STK4: variants seen among roughly 807,000 people sequenced by gnomAD.
The protein encoded by STK4 is serine/threonine kinase 4.
In STK4, 30 loss-of-function variants were observed where a neutral mutation model predicts 64.9. That is an observed-to-expected ratio of 0.46 (90% CI 0.35 to 0.63). The LOEUF (loss-of-function observed/expected upper bound fraction) is 0.63. Among genes scored for constraint, STK4 ranks in the 20% least tolerant of loss-of-function variants. The pLI is 0.01. For missense variants in STK4, 466 were observed against 598.5 expected (o/e 0.78, Z 2.31); for synonymous variants, 177 against 199.0 (o/e 0.89, Z 0.93).
intron 10 of STK4, among the ~76,000 whole-genome samples, chr20:45,056,767 C>T (rs1978515762): frequency 6.6e-6 from 1 of 152,110 alleles, no homozygotes; most frequent in African/African-American, 2.4e-5. Context: ...ATAAGTATTA[C>T]CTATGATAAA....
At chr20:45,062,936 C>T (rs541338927) in intron 10 of STK4, among the ~76,000 whole-genome samples, 69 of 147,758 alleles carry the variant, frequency 4.7e-4, no homozygotes, top group South Asian at 1.7e-3. Flanking sequence ...GTGATCCGCC[C>T]GCCTCGGCCT....
At chr20:44,998,144 A>G (rs1412640161) in intron 7 of STK4, among the ~76,000 whole-genome samples, 2 of 152,106 alleles carry the variant, frequency 1.3e-5, no homozygotes, top group East Asian at 3.8e-4. Flanking sequence ...GGAGATGCAA[A>G]AAGTGTTTTC....
In STK4 at chr20:45,018,425, A is replaced by C. The variant is rs150805157; in HGVS notation, c.1148-6548A>C. Among the ~76,000 whole-genome samples, 70 of 152,320 alleles carry C rather than the reference A, an allele frequency of 4.6e-4. 1 individual carries two copies. The highest frequency in any genetic ancestry group is 1.6e-3 in the African/African-American group (65 of 41,570). ...TTTGAAATTGAAGGTCATGAAGTTT[A>C]AGGTCTAGTAGATGGTCATTCCAAT... On this transcript the variant is annotated intron_variant, in intron 9 of 10. Transcript: ENST00000372806.
chr20:45,070,933 G>A (rs1980016908), intron 10 of STK4, among the ~76,000 whole-genome samples: 1 of 150,822 alleles, frequency 6.6e-6, no homozygotes, highest in African/African-American at 2.4e-5. Context: ...ACTATCATTA[G>A]AATAGCATGG....
At chr20:45,004,871 C>T (rs971196303) in intron 9 of STK4, among the ~76,000 whole-genome samples, 3 of 151,026 alleles carry the variant, frequency 2.0e-5, no homozygotes, top group East Asian at 3.9e-4. Context: ...CAGGTTCAAG[C>T]GATTCTCCTG....
At chr20:45,069,986 G>T (rs1197312406) in intron 10 of STK4, among the ~76,000 whole-genome samples, 1 of 152,236 alleles carries the variant, frequency 6.6e-6, no homozygotes, top group African/African-American at 2.4e-5. Context: ...AGGCTTGCCT[G>T]CATCCTCTGA....
intron 10 of STK4, among the ~76,000 whole-genome samples, chr20:45,025,565 G>A (rs2068329778): frequency 6.6e-6 from 1 of 152,038 alleles, no homozygotes. Flanking sequence ...TTTTTTCAGA[G>A]GATGAATGTA....
At chr20:44,989,918 A>G (rs2067601968) in intron 5 of STK4, among the ~76,000 whole-genome samples, 1 of 152,092 alleles carries the variant, frequency 6.6e-6, no homozygotes, top group South Asian at 2.1e-4. Flanking sequence ...TCCTTGCACC[A>G]GTTCTGTGCT....
chr20:44,978,417 A>G (rs1186008321), intron 2 of STK4, 26 bp from the exon 3 acceptor site: 1 of 1,599,080 alleles, frequency 6.3e-7, no homozygotes, highest in South Asian at 1.1e-5. Context: ...GACTTTATAA[A>G]TGTTCTTCTT....
At chr20:45,037,179 G>T (rs996593867) in intron 10 of STK4, among the ~76,000 whole-genome samples, 7 of 152,088 alleles carry the variant, frequency 4.6e-5, no homozygotes, top group African/African-American at 1.7e-4. Flanking sequence ...CCCAGGGAAG[G>T]CACCAATAAG....
chr20:45,039,189 G>A (rs2068573820), intron 10 of STK4, among the ~76,000 whole-genome samples: 1 of 152,056 alleles, frequency 6.6e-6, no homozygotes, highest in Non-Finnish European at 1.5e-5. Flanking sequence ...ATTCATTGAT[G>A]TTTTAAAATT....
intron 10 of STK4, among the ~76,000 whole-genome samples, chr20:45,051,509 A>C (rs1413918890): frequency 6.6e-6 from 1 of 152,138 alleles, no homozygotes; most frequent in Non-Finnish European, 1.5e-5. Context: ...AGTGGTTACC[A>C]GGGGTCTTTC....
At chr20:45,055,361 C>T (rs1447908537) in intron 10 of STK4, among the ~76,000 whole-genome samples, 1 of 152,186 alleles carries the variant, frequency 6.6e-6, no homozygotes, top group Non-Finnish European at 1.5e-5. Flanking sequence ...ATGTAGGTCT[C>T]TGCCGCTTCC....
At chr20:45,045,898 C>T (rs1457803331) in intron 10 of STK4, among the ~76,000 whole-genome samples, 1 of 151,976 alleles carries the variant, frequency 6.6e-6, no homozygotes, top group Admixed American at 6.5e-5. Flanking sequence ...CCTCTGCCTC[C>T]CGGGTTCAAA....
intron 10 of STK4, among the ~76,000 whole-genome samples, chr20:45,074,492 T>C (rs1980349847): frequency 6.6e-6 from 1 of 152,014 alleles, no homozygotes; most frequent in African/African-American, 2.4e-5. Flanking sequence ...GTGATGATAA[T>C]AGGGCAGTGC....
intron 8 of STK4, among the ~76,000 whole-genome samples, chr20:45,000,871 T>C (rs6073597): frequency 0.44 from 66,312 of 151,982 alleles, 15,085 homozygotes; most frequent in Middle Eastern, 0.54. Context: ...TATAGACTTC[T>C]TCACAACCCT....
chr20:45,067,805 T>G (rs1979709209), intron 10 of STK4, among the ~76,000 whole-genome samples: 1 of 152,194 alleles, frequency 6.6e-6, no homozygotes, highest in South Asian at 2.1e-4. Flanking sequence ...TCAGCCTTCA[T>G]TATTCATAGA....
chr20:45,056,701 G>T (rs1213881930), intron 10 of STK4, among the ~76,000 whole-genome samples: 1 of 152,138 alleles, frequency 6.6e-6, no homozygotes, highest in Non-Finnish European at 1.5e-5. Flanking sequence ...TAGCAGTCTG[G>T]GTTCAGAGAG....
intron 9 of STK4, among the ~76,000 whole-genome samples, chr20:45,009,588 A>G (rs746939988): frequency 5.3e-5 from 8 of 152,214 alleles, no homozygotes; most frequent in Non-Finnish European, 1.0e-4. Context: ...TGGCAATTTT[A>G]TAGGAATAGT....
Sources: gnomAD v4.1 joint callset for allele counts (sites outside exome capture counted in the v4.1 genomes callset) on GRCh38, gnomAD v4.1.1 for gene constraint, MANE v1.5 for transcripts, NCBI Gene and HGNC (gene_info 2026-07-23, HGNC 2026-07-21) for gene names.